Variants in AKAP13 observed in about 807,000 individuals in gnomAD.
The protein encoded by AKAP13 is A-kinase anchor protein 13.
A neutral mutation model predicts 264.5 loss-of-function variants in AKAP13; 80 were observed. The observed-to-expected ratio is 0.30, with a 90% CI of 0.25 to 0.36. The LOEUF is 0.36. Among genes scored for constraint, AKAP13 ranks in the 10% least tolerant of loss-of-function variants. The pLI, the probability that AKAP13 is intolerant of heterozygous loss-of-function variation, is 1.00. For synonymous variants in AKAP13, 1,380 were observed against 1,250.2 expected (o/e 1.10, Z -2.19); for missense variants, 3,712 against 3,435.2 (o/e 1.08, Z -2.01).
chr15:85,563,214 C>T (rs760984951), intron 5 of AKAP13, among the ~76,000 whole-genome samples: 8 of 151,344 alleles, frequency 5.3e-5, no homozygotes, highest in Non-Finnish European at 1.0e-4. Flanking sequence ...TTTTTTTCCT[C>T]GTAGGAAAAG....
chr15:85,534,852 A>G (rs1031158552), intron 4 of AKAP13: 2 of 152,048 alleles, frequency 1.3e-5, no homozygotes, highest in Non-Finnish European at 2.9e-5. Context: ...TTGTATAGAT[A>G]TTTTTTAATG....
At chr15:85,587,249 C>G (rs546291644) in intron 8 of AKAP13, among the ~76,000 whole-genome samples, 98 of 152,328 alleles carry the variant, frequency 6.4e-4, no homozygotes, top group Middle Eastern at 6.8e-3. Flanking sequence ...GTGAAAGTGG[C>G]TGTAGATAGT....
chr15:85,446,490 T>A (rs189552308), intron 1 of AKAP13, among the ~76,000 whole-genome samples: 1 of 152,298 alleles, frequency 6.6e-6, no homozygotes, highest in Admixed American at 6.5e-5. Context: ...GACTAGGATG[T>A]CTAGCAGGCA....
intron 35 of AKAP13, 38 bp downstream of exon 35, chr15:85,741,533 TATTA>T (rs758622032): frequency 5.0e-5 from 76 of 1,529,492 alleles, no homozygotes; most frequent in Admixed American, 3.1e-4. Flanking sequence ...CTAATGATGA[TATTA>T]ATTAAGACCC....
intron 14 of AKAP13, among the ~76,000 whole-genome samples, chr15:85,675,867 G>C (rs1193988642): frequency 6.6e-6 from 1 of 152,144 alleles, no homozygotes; most frequent in Non-Finnish European, 1.5e-5. Context: ...GAACACTTCA[G>C]GCTGACCATA....
chr15:85,714,740 G>A (rs760020723), intron 19 of AKAP13, among the ~76,000 whole-genome samples: 3 of 152,090 alleles, frequency 2.0e-5, no homozygotes, highest in Non-Finnish European at 4.4e-5. Context: ...AGGCCGAGGC[G>A]GGCAGATCAT....
chr15:85,485,778 T>C (rs774720560), intron 2 of AKAP13, 25 bp downstream of exon 2: 43 of 1,608,366 alleles, frequency 2.7e-5, no homozygotes, highest in Non-Finnish European at 3.4e-5. Context: ...AGATTTCTTA[T>C]TATTTTGTGT....
intron 1 of AKAP13, among the ~76,000 whole-genome samples, chr15:85,388,305 A>G (rs1235103726): frequency 6.6e-6 from 1 of 152,066 alleles, no homozygotes; most frequent in Non-Finnish European, 1.5e-5. Flanking sequence ...TCAGCCTCCC[A>G]AAGTGCTAGG....
chr15:85,629,169 C>T (rs888513693), intron 8 of AKAP13, among the ~76,000 whole-genome samples: 21 of 151,902 alleles, frequency 1.4e-4, no homozygotes, highest in African/African-American at 4.4e-4. Flanking sequence ...TGTACTCCAG[C>T]CTGGGGTGAC....
intron 8 of AKAP13, among the ~76,000 whole-genome samples, chr15:85,635,581 C>CT (rs889132226): frequency 1.3e-5 from 2 of 151,596 alleles, no homozygotes; most frequent in Non-Finnish European, 1.5e-5. Flanking sequence ...TAGATTTATC[C>CT]TTTTTTTTCA....
chr15:85,477,907 C>T (rs1211604833), intron 1 of AKAP13, among the ~76,000 whole-genome samples: 1 of 152,096 alleles, frequency 6.6e-6, no homozygotes, highest in East Asian at 1.9e-4. Context: ...CGTGCACTTC[C>T]TATTCATCTT....
rs2077308353 is a variant in AKAP13, at chr15:85,533,678, C to T, written c.276C>T (p.Val92=). 2 of 1,614,162 alleles carry T rather than the reference C, an allele frequency of 1.2e-6. No homozygotes were observed. The highest frequency in any genetic ancestry group is 4.5e-5 in the East Asian group (2 of 44,880). ...TGGCTGAAGAAGACTTTCATTTCGT[C>T]CAGGATGAAGCGTATGATGCAGCTC... The part of the protein sequence containing the change: ...FVVAEEDFHF[V]QDEAYDAAQF... Residue 92 remains valine (V), a synonymous_variant, in exon 4 of 37, where the codon GTC becomes GTT. Transcript: ENST00000394518.
At chr15:85,489,061 A>C (rs1337660927) in intron 2 of AKAP13, among the ~76,000 whole-genome samples, 1 of 152,196 alleles carries the variant, frequency 6.6e-6, no homozygotes, top group Non-Finnish European at 1.5e-5. Context: ...GTTAGTAAAT[A>C]CTTTAGCTAA....
Position 85,722,306 on chromosome 15 carries a change from A to G in AKAP13, c.6455A>G (p.Lys2152Arg). The change falls in exon 25 of 37, where the codon AAG becomes AGG. Residue 2152 changes from lysine to arginine, a missense_variant. Lys to Arg is a conservative substitution (Grantham distance 26). Transcript: ENST00000394518. ...CILLVTQRIT[K>R]YPVLFQRILQ... ...TTGCTTGTAACTCAGCGGATTACCAAGTACCCAGTTTTATTCCAAAGAATA... is the reference window on the plus strand; with the variant it reads ...TTGCTTGTAACTCAGCGGATTACCAGGTACCCAGTTTTATTCCAAAGAATA... 1 of 1,613,642 alleles carries G rather than the reference A, an allele frequency of 6.2e-7. No homozygotes were observed. The highest frequency in any genetic ancestry group is 2.2e-5 in the East Asian group (1 of 44,880).
intron 1 of AKAP13, among the ~76,000 whole-genome samples, chr15:85,409,780 A>G (rs1023052233): frequency 2.0e-5 from 3 of 151,062 alleles, no homozygotes; most frequent in Non-Finnish European, 2.9e-5. Flanking sequence ...GCAGGCGCCC[A>G]CCACCACACC....
intron 23 of AKAP13, among the ~76,000 whole-genome samples, chr15:85,721,630 GA>G (rs1240638593): frequency 6.6e-6 from 1 of 152,182 alleles, no homozygotes; most frequent in African/African-American, 2.4e-5. Context: ...ATTGTCTCAT[GA>G]AAAACTCCTA....
intron 16 of AKAP13, among the ~76,000 whole-genome samples, chr15:85,685,751 C>G (rs568968302): frequency 1.3e-5 from 2 of 152,024 alleles, no homozygotes; most frequent in Non-Finnish European, 2.9e-5. Flanking sequence ...TGCAGGCTTC[C>G]GAAGCCCTGG....
At chr15:85,646,426 C>G (rs1329101781) in intron 10 of AKAP13, among the ~76,000 whole-genome samples, 1 of 151,470 alleles carries the variant, frequency 6.6e-6, no homozygotes. Context: ...GACTCTGTCT[C>G]CAAAAACAAA....
intron 5 of AKAP13, among the ~76,000 whole-genome samples, chr15:85,562,574 A>AAAAAAT (rs1351834745): frequency 4.6e-4 from 36 of 77,680 alleles, no homozygotes; most frequent in African/African-American, 1.4e-3. Flanking sequence ...CAAAAAAAAA[A>AAAAAAT]ATATATATAT....
Sources: gnomAD v4.1 joint callset for allele counts (sites outside exome capture counted in the v4.1 genomes callset) on GRCh38, gnomAD v4.1.1 for gene constraint, MANE v1.5 for transcripts, NCBI Gene and HGNC (gene_info 2026-07-23, HGNC 2026-07-21) for gene names.